OTOF: variants seen among roughly 807,000 people sequenced by gnomAD.
The protein encoded by OTOF is otoferlin.
OTOF carries 218 observed loss-of-function variants against 236.8 expected under a neutral mutation model. That is an observed-to-expected ratio of 0.92 (90% CI 0.82 to 1.03). The LOEUF (loss-of-function observed/expected upper bound fraction) is 1.03, where lower values mean the gene tolerates loss of function less well. Among genes scored for constraint, OTOF ranks in the 50% least tolerant of loss-of-function variants. OTOF has a pLI of 0.00. For synonymous variants in OTOF, 1,041 were observed against 1,072.5 expected (o/e 0.97, Z 0.57); for missense variants, 2,590 against 2,694.4 (o/e 0.96, Z 0.86).
rs764248648 is a variant in OTOF, at chr2:26,489,270, C to A, written c.986G>T (p.Arg329Leu). 15 of 1,612,940 alleles carry A rather than the reference C, an allele frequency of 9.3e-6. No homozygotes were observed. The highest frequency in any genetic ancestry group is 1.3e-5 in the Non-Finnish European group (15 of 1,179,790). The change falls in exon 11 of 47, where the codon CGC (arginine) becomes CTC (leucine). Residue 329 changes from arginine (R) to leucine (L), a missense_variant. Physicochemically the swap from Arg to Leu is moderately radical, Grantham distance 102. Coordinates refer to ENST00000272371, the MANE Select transcript of OTOF (RefSeq NM_194248.3). The part of the protein sequence containing the change: ...ISVIHSKNLL[R>L]SGTLVGSFKM... ...GAAGGAGCCCACCAGGGTGCCACTG[C>A]GCAGCAGGTTCTTGGAGTGAATCAC...
At chr2:26,552,091 T>A (rs1233919105) in intron 1 of OTOF, among the ~76,000 whole-genome samples, 20 of 141,180 alleles carry the variant, frequency 1.4e-4, no homozygotes, top group Non-Finnish European at 1.7e-4. Flanking sequence ...TATAAAAAGT[T>A]AAAAAAAAAA....
chr2:26,516,319 C>G, intron 5 of OTOF, 99 bp downstream of exon 5: 1 of 1,136,164 alleles, frequency 8.8e-7, no homozygotes, highest in Non-Finnish European at 1.3e-6. Flanking sequence ...GTACTCTGAG[C>G]CCAGCTAGGC....
chr2:26,475,228 C>T, intron 25 of OTOF, 131 bp downstream of exon 25: 1 of 1,060,114 alleles, frequency 9.4e-7, no homozygotes, highest in Non-Finnish European at 1.4e-6. Flanking sequence ...AGCTTCCCAG[C>T]CAGCACCTGG....
chr2:26,540,231 C>T (rs1043229804), intron 1 of OTOF, among the ~76,000 whole-genome samples: 1 of 152,162 alleles, frequency 6.6e-6, no homozygotes, highest in Admixed American at 6.5e-5. Context: ...CGCGCCCAGC[C>T]GAAAGACGAA....
rs1385835046 is a variant in OTOF at position 26,470,783 on chromosome 2, C to A, written c.3895-62G>T. 3.1e-6 allele frequency: 5 copies of A among 1,588,340 alleles called. No homozygotes were observed. The highest frequency in any genetic ancestry group is 4.3e-6 in the Non-Finnish European group (5 of 1,171,318). On this transcript the variant is annotated intron_variant, in intron 31 of 46. Transcript: ENST00000272371. The surrounding 1 kb of genome is among the most constrained non-coding windows in gnomAD (Gnocchi z 4.3). Reference sequence around the variant, plus strand: ...CCTCCTGCCTGGACAATCCCGAGAGCCTCCACCCATTCCGCCATCTGTCAG... The same window carrying A: ...CCTCCTGCCTGGACAATCCCGAGAGACTCCACCCATTCCGCCATCTGTCAG...
At chr2:26,558,230 C>A (rs556173469) in intron 1 of OTOF, among the ~76,000 whole-genome samples, 2 of 152,066 alleles carry the variant, frequency 1.3e-5, no homozygotes, top group African/African-American at 4.8e-5. Flanking sequence ...GCAGAGGGCT[C>A]TGTGCCCTGC....
chr2:26,556,670 G>C (rs1185452907), intron 1 of OTOF, among the ~76,000 whole-genome samples: 1 of 152,184 alleles, frequency 6.6e-6, no homozygotes, highest in Non-Finnish European at 1.5e-5. Context: ...AGCAGATAAA[G>C]AGCTTGCAAG....
In OTOF at chr2:26,466,720, C is replaced by G. The variant is rs767105646; in HGVS notation, c.4494G>C (p.Val1498=). 1.2e-6 allele frequency: 2 copies of G among 1,614,194 alleles called. No homozygotes were observed. Among genetic ancestry groups the G allele is most frequent in the South Asian group, 2.2e-5 (2 of 91,082 alleles). ...DPINVLVRVY[V]VRATDLHPAD... ...AAAGCGACGGGAGTCTCACCCGGAC[C>G]ACATAGACTCGGACCAGCACATTGA... is the stretch of plus-strand genomic sequence containing the variant. The change falls in exon 36 of 47, where the codon GTG becomes GTC. Residue 1498 remains valine (V), a synonymous_variant. Coordinates refer to ENST00000272371, the MANE Select transcript of OTOF (RefSeq NM_194248.3).
intron 3 of OTOF, among the ~76,000 whole-genome samples, chr2:26,520,110 A>T (rs1394589989): frequency 6.6e-6 from 1 of 152,184 alleles, no homozygotes; most frequent in Admixed American, 6.5e-5. Context: ...TCTGGGAGAG[A>T]ACAGGGAACT....
At chr2:26,537,045 C>T (rs986396584) in intron 2 of OTOF, among the ~76,000 whole-genome samples, 1 of 152,128 alleles carries the variant, frequency 6.6e-6, no homozygotes. Context: ...GGGATGGTGT[C>T]GCCTGCTCCT....
chr2:26,477,805 C>A lies in OTOF; in HGVS notation c.2215-56G>T. The A allele has an allele frequency of 6.2e-7, 1 of 1,601,402 alleles. No homozygotes were observed. The highest frequency in any genetic ancestry group is 8.5e-7 in the Non-Finnish European group (1 of 1,174,378). ...CCACAGCCCCGCCTCCCCAGCCTCCCCAAATGCCTCCTCCCTGTTGATCAG... is the reference window on the plus strand; with the variant it reads ...CCACAGCCCCGCCTCCCCAGCCTCCACAAATGCCTCCTCCCTGTTGATCAG... On this transcript the variant is annotated intron_variant, in intron 18 of 46. Transcript: ENST00000272371. The surrounding 1 kb of genome is among the most constrained non-coding windows in gnomAD (Gnocchi z 4.7).
chr2:26,504,258 G>C (rs1666193108), intron 5 of OTOF, among the ~76,000 whole-genome samples: 1 of 152,176 alleles, frequency 6.6e-6, no homozygotes, highest in Non-Finnish European at 1.5e-5. Context: ...CGGCTCAGCT[G>C]GTTGGAGAGA....
rs537062115 is a variant in OTOF at position 26,527,484 on chromosome 2, G to A, written c.227+348C>T. Among the ~76,000 whole-genome samples the A allele has an allele frequency of 4.6e-4, 70 of 152,174 alleles. 1 individual carries two copies. The Middle Eastern group carries it at 0.014, about 30-fold the overall frequency. ...GAGATCATCAGCCCCTCCACCTTTC[G>A]CCTCTCCAGTGGGTAACTGTACCCC... On this transcript the variant is annotated intron_variant, in intron 3 of 46. Transcript: ENST00000272371.
intron 8 of OTOF, among the ~76,000 whole-genome samples, chr2:26,499,764 G>C (rs1474490849): frequency 6.6e-6 from 1 of 152,032 alleles, no homozygotes; most frequent in African/African-American, 2.4e-5. Context: ...GAAAGTGCTG[G>C]GATTACAGGC....
chr2:26,462,921 T>C lies in OTOF; in HGVS notation c.5192+562A>G, dbSNP rs1463155720. ...ACAGCTGGACTTGAACCTGCCGCTT[T>C]ATGGATGGGAAACCCGGGTTCTTTT... On this transcript the variant is annotated intron_variant, in intron 41 of 46. Transcript: ENST00000272371. The surrounding 1 kb of genome is among the most constrained non-coding windows in gnomAD (Gnocchi z 4.7). Among the ~76,000 whole-genome samples the C allele has an allele frequency of 6.6e-6, 1 of 152,154 alleles. No individual in the cohort carries two copies. Among genetic ancestry groups the C allele is most frequent in the East Asian group, 1.9e-4 (1 of 5,196 alleles).
intron 2 of OTOF, among the ~76,000 whole-genome samples, chr2:26,530,336 G>A (rs1371449069): frequency 6.6e-6 from 1 of 152,130 alleles, no homozygotes; most frequent in Non-Finnish European, 1.5e-5. Flanking sequence ...GGACAGGGAG[G>A]GCACAGGAGA....
intron 8 of OTOF, among the ~76,000 whole-genome samples, chr2:26,500,054 G>T (rs1180340689): frequency 6.6e-6 from 1 of 152,334 alleles, no homozygotes; most frequent in East Asian, 1.9e-4. Context: ...GCACTAAGTA[G>T]CAAGATGAAG....
chr2:26,501,857 T>C lies in OTOF; in HGVS notation c.711-49A>G, dbSNP rs6547079. On this transcript the variant is annotated intron_variant, in intron 7 of 46. Transcript: ENST00000272371. ...GGCCTGGGGTATGGGGACTGCTTGT[T>C]GGGGAGGAGGACACTGGCAGTGGTT... The C allele has an allele frequency of 1.3e-5, 19 of 1,411,108 alleles. No homozygotes were observed. In the East Asian group the frequency reaches 2.0e-4, roughly 15 times the overall value. 87.4% of individuals were successfully genotyped at this position (1,411,108 alleles called of 1,614,324 possible).
intron 3 of OTOF, among the ~76,000 whole-genome samples, chr2:26,519,314 G>A (rs1248366367): frequency 6.6e-5 from 10 of 152,188 alleles, no homozygotes; most frequent in Admixed American, 1.3e-4. Flanking sequence ...TTTGTGGGAG[G>A]CCCATTTCCT....
Sources: allele counts gnomAD v4.1 joint callset (sites outside exome capture counted in the v4.1 genomes callset), GRCh38; gene constraint gnomAD v4.1.1; non-coding constraint Gnocchi (gnomAD v3.1); transcripts MANE v1.5; gene names NCBI Gene and HGNC (gene_info 2026-07-23, HGNC 2026-07-21).